GDF10: variants seen among roughly 807,000 people sequenced by gnomAD.
GDF10 encodes growth differentiation factor 10.
In GDF10, 23 loss-of-function variants were observed where a neutral mutation model predicts 32.1. That is an observed-to-expected ratio of 0.72 (90% CI 0.52 to 1.02). The LOEUF is 1.02. Ranked by LOEUF, GDF10 falls within the 50% of genes least tolerant of loss-of-function variation. GDF10 has a pLI of 0.00. For synonymous variants in GDF10, 328 were observed against 303.1 expected, an observed-to-expected ratio of 1.08 and a Z score of -0.85; for missense variants, 764 against 673.9, an observed-to-expected ratio of 1.13 and a Z score of -1.48.
chr10:47,309,087 C>G (rs1176096493), intron 1 of GDF10, among the ~76,000 whole-genome samples: 1 of 152,140 alleles, frequency 6.6e-6, no homozygotes, highest in Non-Finnish European at 1.5e-5. Flanking sequence ...CGGTCTTTAC[C>G]TGGACCTTGG....
At chr10:47,301,908 G>A (rs1436648735) in intron 1 of GDF10, among the ~76,000 whole-genome samples, 1 of 152,204 alleles carries the variant, frequency 6.6e-6, no homozygotes, top group African/African-American at 2.4e-5. Context: ...AAGCCTAGCT[G>A]TGGAGCTAGA....
At chr10:47,301,803 G>A (rs2061005850) in intron 1 of GDF10, among the ~76,000 whole-genome samples, 1 of 152,206 alleles carries the variant, frequency 6.6e-6, no homozygotes, top group Non-Finnish European at 1.5e-5. Context: ...CAGAAAATGT[G>A]GGTGGGGGTC....
rs782642037 is a variant in GDF10 at position 47,309,959 on chromosome 10, G to T, written c.483G>T (p.Pro161=). The change falls in exon 2 of 3, where the codon CCG becomes CCT. Residue 161 remains proline, a synonymous_variant. Transcript: ENST00000580279. ...KPRAKNASGR[P]LPLGPPTRQH... ...GGGCCAAGAACGCTTCAGGCCGCCCGCTGCCCCTGGGCCCGCCCACACGCC... is the reference window on the plus strand; with the variant it reads ...GGGCCAAGAACGCTTCAGGCCGCCCTCTGCCCCTGGGCCCGCCCACACGCC... 2 of 1,611,836 alleles carry T rather than the reference G, an allele frequency of 1.2e-6. No individual in the cohort carries two copies. The highest frequency in any genetic ancestry group is 1.3e-5 in the African/African-American group (1 of 74,898).
Position 47,310,284 on chromosome 10 carries a change from C to T in GDF10, c.808C>T (p.Pro270Ser). 1 of 1,608,536 alleles carries T rather than the reference C, an allele frequency of 6.2e-7. No individual in the cohort carries two copies. The highest frequency in any genetic ancestry group is 1.7e-4 in the Middle Eastern group (1 of 6,052). Residue 270 changes from proline (P) to serine (S), a missense_variant, in exon 2 of 3, where the codon CCT becomes TCT. By Grantham distance (74) the Pro-to-Ser change is moderately conservative (BLOSUM62 -1). Coordinates refer to ENST00000580279, the MANE Select transcript of GDF10 (RefSeq NM_004962.5). ...AVTLQRYDPF[P>S]AGDPEPRAAP... is the part of the protein sequence containing the mutation. ...GACGCTGCAGAGATACGACCCCTTC[C>T]CTGCCGGAGACCCCGAGCCCCGCGC... is the stretch of plus-strand genomic sequence containing the variant.
rs149846612 is a variant in GDF10 at position 47,309,905 on chromosome 10, T to C, written c.429T>C (p.Pro143=). 2 of 1,612,714 alleles carry C rather than the reference T, an allele frequency of 1.2e-6. No individual in the cohort carries two copies. Among genetic ancestry groups the C allele is most frequent in the African/African-American group, 2.7e-5 (2 of 74,938 alleles). The change falls in exon 2 of 3, where the codon CCT becomes CCC. Residue 143 remains proline (P), a synonymous_variant. Coordinates refer to ENST00000580279, the MANE Select transcript of GDF10 (RefSeq NM_004962.5). ...FHFYSEPPRW[P]RALEVLCKPR... ...TCTACTCAGAGCCGCCTCGGTGGCC[T>C]CGAGCGCTCGAGGTGCTATGCAAGC...
chr10:47,310,436 G>A lies in GDF10; in HGVS notation c.960G>A (p.Lys320=), dbSNP rs1555207611. ...PPRAHAQHFH[K]HQLWPSPFRA... is the part of the protein sequence containing the mutation. ...GCGCCCACGCACAGCACTTCCACAA[G>A]CACCAGCTGTGGCCCAGCCCCTTCC... is the stretch of plus-strand genomic sequence containing the variant. Residue 320 remains lysine (K), a synonymous_variant, in exon 2 of 3, where the codon AAG becomes AAA. Coordinates refer to ENST00000580279, the MANE Select transcript of GDF10 (RefSeq NM_004962.5). 3 of 1,613,214 alleles carry A rather than the reference G, an allele frequency of 1.9e-6. No homozygotes were observed. The highest frequency in any genetic ancestry group is 2.2e-5 in the East Asian group (1 of 44,862).
At position 47,300,924 on chromosome 10, in the gene GDF10, G is replaced by T; in HGVS notation, c.273G>T (p.Ala91=). The T allele has an allele frequency of 6.5e-7, 1 of 1,548,168 alleles. No individual in the cohort carries two copies. ...RLYEKYSRQG[A]RPGGGNTVRS... is the part of the protein sequence containing the mutation. ...ATGAGAAGTACAGCCGGCAGGGCGC[G>T]CGGCCGGGAGGGGGCAACACGGTCC... Residue 91 remains alanine (A), a synonymous_variant, in exon 1 of 3, where the codon GCG becomes GCT. Coordinates refer to ENST00000580279, the MANE Select transcript of GDF10 (RefSeq NM_004962.5).
intron 1 of GDF10, among the ~76,000 whole-genome samples, chr10:47,302,825 T>A (rs1398235262): frequency 6.6e-6 from 1 of 152,118 alleles, no homozygotes; most frequent in Non-Finnish European, 1.5e-5. Flanking sequence ...GCCTGGGAAA[T>A]CAGGATTCTG....
Position 47,300,602 on chromosome 10 carries a change from G to T in GDF10, c.-50G>T. 1.3e-6 allele frequency: 2 copies of T among 1,501,586 alleles called. No homozygotes were observed. The highest frequency in any genetic ancestry group is 1.8e-6 in the Non-Finnish European group (2 of 1,120,388). 93.0% of individuals were successfully genotyped at this position (1,501,586 alleles called of 1,614,324 possible). ...AGTCCGCAGCCTCCGGTGCGCCAGC[G>T]CTCGCCTTCCTCCTCCTGGACTTCG... On this transcript the variant is annotated 5_prime_UTR_variant, in exon 1 of 3. Transcript: ENST00000580279.
intron 1 of GDF10, among the ~76,000 whole-genome samples, chr10:47,304,379 A>C (rs1026738005): frequency 2.2e-5 from 3 of 135,510 alleles, no homozygotes; most frequent in African/African-American, 8.2e-5. Flanking sequence ...GAGGGGAGAG[A>C]GAGAAAGGAG....
At chr10:47,302,755 C>A (rs1174434065) in intron 1 of GDF10, among the ~76,000 whole-genome samples, 3 of 152,232 alleles carry the variant, frequency 2.0e-5, no homozygotes, top group East Asian at 1.9e-4. Context: ...ACTCCCCACA[C>A]CCTGTCATCT....
At chr10:47,304,869 G>A (rs563359160) in intron 1 of GDF10, among the ~76,000 whole-genome samples, 1 of 152,276 alleles carries the variant, frequency 6.6e-6, no homozygotes, top group South Asian at 2.1e-4. Context: ...TTGTATGGGA[G>A]TCCCTCCTTT....
chr10:47,310,277 C>A lies in GDF10; in HGVS notation c.801C>A (p.Asp267Glu), dbSNP rs1555207568. 4.4e-6 allele frequency: 7 copies of A among 1,608,654 alleles called. No homozygotes were observed. The highest frequency in any genetic ancestry group is 1.7e-5 in the Admixed American group (1 of 59,494). The change falls in exon 2 of 3, where the codon GAC becomes GAA. Residue 267 changes from aspartate (D) to glutamate (E), a missense_variant. Physicochemically the swap from Asp to Glu is conservative, Grantham distance 45. Transcript: ENST00000580279. The stretch of plus-strand genomic sequence containing the variant: ...TGGCAGTGACGCTGCAGAGATACGA[C>A]CCCTTCCCTGCCGGAGACCCCGAGC... ...NSVAVTLQRY[D>E]PFPAGDPEPR...
At position 47,311,324 on chromosome 10, in the gene GDF10, C is replaced by T; in HGVS notation, c.1245+603C>T. 1.3e-5 allele frequency among the ~76,000 whole-genome samples: 2 copies of T among 152,260 alleles called. 1 individual carries two copies. The highest frequency in any genetic ancestry group is 2.9e-5 in the Non-Finnish European group (2 of 68,046). On this transcript the variant is annotated intron_variant, in intron 2 of 2. Transcript: ENST00000580279. ...CAGCCTAAGGATTTCCAGTTCTCAC[C>T]TTCGCTCCAGACTGGGCTGTGGCTG...
chr10:47,310,019 G>A lies in GDF10; in HGVS notation c.543G>A (p.Thr181=), dbSNP rs1555207451. 12 of 1,608,468 alleles carry A rather than the reference G, an allele frequency of 7.5e-6. No homozygotes were observed. The highest frequency in any genetic ancestry group is 6.7e-5 in the East Asian group (3 of 44,736). The change falls in exon 2 of 3, where the codon ACG becomes ACA. Residue 181 remains threonine (T), a synonymous_variant. Coordinates refer to ENST00000580279, the MANE Select transcript of GDF10 (RefSeq NM_004962.5). The stretch of plus-strand genomic sequence containing the variant: ...TCTTCCGCAGCCTCTCGCAGAACAC[G>A]GCCACACAGGGGCTACTCCGCGGGG... ...HLLFRSLSQN[T]ATQGLLRGAM...
At chr10:47,308,816 A>G (rs2061032302) in intron 1 of GDF10, among the ~76,000 whole-genome samples, 1 of 152,192 alleles carries the variant, frequency 6.6e-6, no homozygotes, top group South Asian at 2.1e-4. Flanking sequence ...CCCACTCCTC[A>G]GAAGCCTAGA....
chr10:47,311,558 C>A (rs868994135), intron 2 of GDF10, among the ~76,000 whole-genome samples: 1 of 152,254 alleles, frequency 6.6e-6, no homozygotes, highest in African/African-American at 2.4e-5. Flanking sequence ...AGACATGGGG[C>A]AGCAGTAACG....
rs143626006 is a variant in GDF10, at chr10:47,312,844, G to A, written c.*52G>A. 1.4e-5 allele frequency: 18 copies of A among 1,265,300 alleles called. No individual in the cohort carries two copies. The highest frequency in any genetic ancestry group is 1.6e-5 in the Non-Finnish European group (15 of 917,016). 78.4% of individuals were successfully genotyped at this position (1,265,300 alleles called of 1,614,324 possible). ...CGCCCAGCAGAGCTGCCTTCTCGGA[G>A]CCTTCTGCAACCAGGACTTGTGGTG... On this transcript the variant is annotated 3_prime_UTR_variant, in exon 3 of 3. Coordinates refer to ENST00000580279, the MANE Select transcript of GDF10 (RefSeq NM_004962.5).
chr10:47,310,406 G>A lies in GDF10; in HGVS notation c.930G>A (p.Pro310=), dbSNP rs551897389. 13 of 1,610,472 alleles carry A rather than the reference G, an allele frequency of 8.1e-6. No homozygotes were observed. Among genetic ancestry groups the A allele is most frequent in the African/African-American group, 5.3e-5 (4 of 75,022 alleles). The change falls in exon 2 of 3, where the codon CCG becomes CCA. Residue 310 remains proline (P), a synonymous_variant. Coordinates refer to ENST00000580279, the MANE Select transcript of GDF10 (RefSeq NM_004962.5). ...AGCTGCCGGGGCTGGATGAGAGGCC[G>A]CCGCGCGCCCACGCACAGCACTTCC... ...DNELPGLDER[P]PRAHAQHFHK...
Sources: allele counts gnomAD v4.1 joint callset (sites outside exome capture counted in the v4.1 genomes callset), GRCh38; gene constraint gnomAD v4.1.1; transcripts MANE v1.5; gene names NCBI Gene and HGNC (gene_info 2026-07-23, HGNC 2026-07-21).